The following TEX101 variants were observed in gnomAD, a reference collection of about 807,000 sequenced individuals.
TEX101 encodes the protein testis-expressed protein 101.
In TEX101, 10 loss-of-function variants were observed where a neutral mutation model predicts 18.1. The observed-to-expected ratio is 0.55, with a 90% CI of 0.34 to 0.94. TEX101 has a LOEUF of 0.94. Ranked by LOEUF, TEX101 falls within the 40% of genes least tolerant of loss-of-function variation. The pLI is 0.02. For synonymous variants in TEX101, 94 were observed against 114.8 expected (o/e 0.82, Z 1.16); for missense variants, 259 against 298.9 (o/e 0.87, Z 0.98).
chr19:43,417,674 C>A lies in TEX101; in HGVS notation c.392-204C>A, dbSNP rs144399842. Among the ~76,000 whole-genome samples, 50 of 152,320 alleles carry A rather than the reference C, an allele frequency of 3.3e-4. No individual in the cohort carries two copies. In the East Asian group the frequency reaches 9.6e-3, roughly 29 times the overall value. On this transcript the variant is annotated intron_variant, in intron 4 of 5. Coordinates refer to ENST00000598265, the MANE Select transcript of TEX101 (RefSeq NM_001130011.3). ...AACTATGTCCTTTTCATCTCTGTAT[C>A]TTCACACCTCAGCAGAGTTTGGAAG...
chr19:43,393,954 T>G, the TEX101 span, among the ~76,000 whole-genome samples: 1 of 152,068 alleles, frequency 6.6e-6, no homozygotes, highest in East Asian at 1.9e-4. Flanking sequence ...ACTTTCCCTT[T>G]TCTGGCTTTG....
At chr19:43,406,574 T>A (rs1970365672) in intron 3 of TEX101, 1 of 646,302 alleles carries the variant, frequency 1.5e-6, no homozygotes, top group East Asian at 2.8e-5. Context: ...GTTTTTTCAC[T>A]AACCTGGTGG....
At chr19:43,408,931 A>G (rs568576544) in intron 3 of TEX101, among the ~76,000 whole-genome samples, 103 of 152,318 alleles carry the variant, frequency 6.8e-4, no homozygotes, top group African/African-American at 2.4e-3. Flanking sequence ...GAACCCGTGG[A>G]GGCCTGGTGC....
At chr19:43,414,524 G>A (rs1970449601), upstream of TEX101, among the ~76,000 whole-genome samples, 1 of 152,188 alleles carries the variant, frequency 6.6e-6, no homozygotes, top group Non-Finnish European at 1.5e-5. Context: ...AACATGAGAG[G>A]CCATTTGGGT....
At chr19:43,388,669 G>C in the TEX101 span, among the ~76,000 whole-genome samples, 4 of 152,236 alleles carry the variant, frequency 2.6e-5, no homozygotes, top group Non-Finnish European at 5.9e-5. Context: ...CTGGGAACGA[G>C]TCACCGTGTA....
chr19:43,408,071 C>G (rs117663591), intron 3 of TEX101, among the ~76,000 whole-genome samples: 3,974 of 152,318 alleles, frequency 0.026, 62 homozygotes, highest in Middle Eastern at 0.099. Context: ...TCCCGGGGGT[C>G]TCCCGCGTCC....
upstream of TEX101, among the ~76,000 whole-genome samples, chr19:43,398,382 T>C (rs993571550): frequency 6.7e-6 from 1 of 149,454 alleles, no homozygotes; most frequent in Admixed American, 6.9e-5. Context: ...TTCAAGTGAT[T>C]CTCCTACCTC....
chr19:43,411,662 G>A (rs1309570040), upstream of TEX101, among the ~76,000 whole-genome samples: 1 of 137,834 alleles, frequency 7.3e-6, no homozygotes, highest in African/African-American at 2.7e-5. Context: ...CTTTTTTTTT[G>A]AGACCAAGAC....
upstream of TEX101, among the ~76,000 whole-genome samples, chr19:43,397,215 G>T (rs549414783): frequency 1.1e-3 from 165 of 152,240 alleles, no homozygotes; most frequent in Middle Eastern, 3.4e-3. Context: ...CGCTAGCCAG[G>T]TGCAGTCATC....
upstream of TEX101, among the ~76,000 whole-genome samples, chr19:43,413,136 C>T (rs944538715): frequency 4.6e-5 from 7 of 152,138 alleles, no homozygotes; most frequent in African/African-American, 1.7e-4. Flanking sequence ...GCATGTAGCC[C>T]CCAGTCACGT....
chr19:43,394,313 T>G, the TEX101 span, among the ~76,000 whole-genome samples: 10 of 152,036 alleles, frequency 6.6e-5, no homozygotes, highest in African/African-American at 2.4e-4. Flanking sequence ...ACTTGAGATG[T>G]AAGCAGATCC....
At chr19:43,390,300 C>T in the TEX101 span, among the ~76,000 whole-genome samples, 1 of 152,196 alleles carries the variant, frequency 6.6e-6, no homozygotes, top group East Asian at 1.9e-4. Context: ...CCACGCCAGA[C>T]CCAGTAGCCA....
chr19:43,394,960 C>T, the TEX101 span, among the ~76,000 whole-genome samples: 2 of 152,092 alleles, frequency 1.3e-5, no homozygotes, highest in East Asian at 3.8e-4. Context: ...AACAAAAGAT[C>T]AATTTTAAAA....
At position 43,416,440 on chromosome 19, in the gene TEX101, C is replaced by T. The variant is rs1157734483; in HGVS notation, c.276C>T (p.Val92=). The T allele has an allele frequency of 3.1e-6, 5 of 1,614,056 alleles. No individual in the cohort carries two copies. In the East Asian group the frequency reaches 1.1e-4, roughly 36 times the overall value. The change falls in exon 4 of 6, where the codon GTC becomes GTT. Residue 92 remains valine (V), a synonymous_variant. Transcript: ENST00000598265. ...IPEGEEAITI[V]QHSSPPGLIV... ...AAGGGGAGGAGGCCATAACAATTGT[C>T]CAGCACTCTTCACCTCCCGGCCTGA...
Position 43,406,081 on chromosome 19 carries a change from CAAA to C in TEX101, c.-282-124_-282-122del, listed in dbSNP as rs34029449. ...ACAACATAAGGAGACCCTGTCTCTACAAAAAAAAAAAAAAAAAAAAGCCAGATG... is the reference window on the plus strand; with the variant it reads ...ACAACATAAGGAGACCCTGTCTCTACAAAAAAAAAAAAAAAAAGCCAGATG... On this transcript the variant is annotated intron_variant, in intron 2 of 7. Transcript: ENST00000602198. 3.2e-3 allele frequency: 186 copies of C among 58,840 alleles called. 1 individual carries two copies. Among genetic ancestry groups the C allele is most frequent in the Middle Eastern group, 0.017 (1 of 60 alleles). The allele number at this position is 58,840 out of a possible 1,614,324, so 3.6% of individuals were successfully genotyped here.
upstream of TEX101, among the ~76,000 whole-genome samples, chr19:43,399,802 A>ATTTT (rs71169230): frequency 3.5e-5 from 4 of 113,268 alleles, no homozygotes; most frequent in African/African-American, 6.7e-5. Flanking sequence ...CCTATGTCCT[A>ATTTT]TTTTTTTTTT....
upstream of TEX101, among the ~76,000 whole-genome samples, chr19:43,397,942 A>T (rs1382568412): frequency 2.1e-3 from 14 of 6,690 alleles, 1 homozygote; most frequent in South Asian, 0.04. Context: ...TATAATATAT[A>T]AAAATATATA....
At chr19:43,397,398 C>T (rs1244712120), upstream of TEX101, among the ~76,000 whole-genome samples, 1 of 152,072 alleles carries the variant, frequency 6.6e-6, no homozygotes, top group Non-Finnish European at 1.5e-5. Flanking sequence ...GATGTCTTTG[C>T]ACCAATGCCA....
the TEX101 span, among the ~76,000 whole-genome samples, chr19:43,390,467 T>C: frequency 1.7e-5 from 2 of 117,190 alleles, no homozygotes; most frequent in Non-Finnish European, 1.8e-5. Context: ...TTTCTTTTTT[T>C]TTTTTTTTTT....
Sources: gnomAD v4.1 joint callset for allele counts (sites outside exome capture counted in the v4.1 genomes callset) on GRCh38, gnomAD v4.1.1 for gene constraint, MANE v1.5 for transcripts, NCBI Gene and HGNC (gene_info 2026-07-23, HGNC 2026-07-21) for gene names.